GRIP1: variants seen among roughly 807,000 people sequenced by gnomAD.
GRIP1 encodes glutamate receptor interacting protein 1, also known as glutamate receptor-interacting protein 1.
Under a neutral mutation model 129.9 loss-of-function variants are expected in GRIP1, and 45 were observed. The observed-to-expected ratio is 0.35, with a 90% CI of 0.27 to 0.44. The LOEUF (loss-of-function observed/expected upper bound fraction) is 0.44. Among genes scored for constraint, GRIP1 ranks in the 20% least tolerant of loss-of-function variants. The pLI is 1.00. For missense variants in GRIP1, 1,196 were observed against 1,396.8 expected (o/e 0.86, Z 2.29); for synonymous variants, 530 against 520.8 (o/e 1.02, Z -0.24).
chr12:66,753,268 C>T (rs1319018432), intron 1 of GRIP1, among the ~76,000 whole-genome samples: 3 of 152,136 alleles, frequency 2.0e-5, no homozygotes, highest in African/African-American at 7.2e-5. Context: ...TATTTTCCAA[C>T]CTCTCTTGTA....
intron 1 of GRIP1, among the ~76,000 whole-genome samples, chr12:67,057,462 T>C (rs1002449798): frequency 1.3e-5 from 2 of 151,030 alleles, no homozygotes; most frequent in African/African-American, 4.9e-5. Flanking sequence ...AAAACTCCTG[T>C]TGTTTAAGCA....
At chr12:66,948,140 G>C (rs1220334502) in intron 1 of GRIP1, among the ~76,000 whole-genome samples, 1 of 152,204 alleles carries the variant, frequency 6.6e-6, no homozygotes, top group Non-Finnish European at 1.5e-5. Context: ...AGGGTTTAAA[G>C]AAAGTTTACA....
At chr12:66,379,820 A>G (rs974842909) in intron 19 of GRIP1, among the ~76,000 whole-genome samples, 2 of 152,160 alleles carry the variant, frequency 1.3e-5, no homozygotes, top group Non-Finnish European at 2.9e-5. Flanking sequence ...CTTAGCTGAG[A>G]TCTGCCAGTT....
chr12:66,419,040 C>T (rs1233663717), intron 15 of GRIP1, among the ~76,000 whole-genome samples: 1 of 152,090 alleles, frequency 6.6e-6, no homozygotes, highest in Non-Finnish European at 1.5e-5. Context: ...TTGCAAGCAA[C>T]ATAAGTGTCC....
intron 1 of GRIP1, among the ~76,000 whole-genome samples, chr12:66,725,773 T>C (rs187961982): frequency 2.0e-5 from 3 of 152,320 alleles, no homozygotes; most frequent in African/African-American, 4.8e-5. Context: ...CATATAACAA[T>C]ACTTACTCTT....
chr12:66,541,830 C>T lies in GRIP1; in HGVS notation c.257G>A (p.Gly86Glu). ...AGGCAGTTACCTAGCAGCAATTCCT[C>T]CTTGCCGCAGATTAGATACTCTTGG... ...GKPRVSNLRQ[G>E]GIAARSDQLD... is the part of the protein sequence containing the mutation. Residue 86 changes from glycine to glutamate, a missense_variant, in exon 3 of 25, where the codon GGA becomes GAA. Physicochemically the swap from Gly to Glu is moderately conservative, Grantham distance 98. Around this residue, in one of 5 missense-constraint regions of GRIP1, gnomAD observed 217 missense variants for 224.8 expected, o/e 0.97. Transcript: ENST00000359742. The T allele has an allele frequency of 3.1e-6, 5 of 1,614,070 alleles. No individual in the cohort carries two copies. Among genetic ancestry groups the T allele is most frequent in the Non-Finnish European group, 4.2e-6 (5 of 1,179,906 alleles).
intron 1 of GRIP1, among the ~76,000 whole-genome samples, chr12:66,900,249 A>G (rs1233405256): frequency 6.6e-6 from 1 of 152,192 alleles, no homozygotes; most frequent in African/African-American, 2.4e-5. Context: ...TCCTCTTCAG[A>G]TAAATGAAGT....
intron 1 of GRIP1, among the ~76,000 whole-genome samples, chr12:66,914,404 G>A (rs1428672636): frequency 6.6e-6 from 1 of 152,110 alleles, no homozygotes; most frequent in African/African-American, 2.4e-5. Context: ...TTGTGTTATT[G>A]CAAATTTTAC....
intron 1 of GRIP1, among the ~76,000 whole-genome samples, chr12:66,970,216 G>A (rs561890459): frequency 1.8e-4 from 27 of 152,166 alleles, no homozygotes; most frequent in African/African-American, 6.3e-4. Flanking sequence ...TAAGTAGCTG[G>A]GACTACAGCC....
intron 7 of GRIP1, among the ~76,000 whole-genome samples, chr12:66,470,983 C>T (rs768672855): frequency 3.9e-5 from 6 of 152,110 alleles, no homozygotes; most frequent in East Asian, 3.9e-4. Context: ...AGGACGAAGT[C>T]GGGAGAGTAA....
intron 1 of GRIP1, among the ~76,000 whole-genome samples, chr12:66,777,049 G>A (rs182638677): frequency 5.9e-5 from 9 of 152,328 alleles, no homozygotes; most frequent in African/African-American, 2.2e-4. Flanking sequence ...TCCATCTCAA[G>A]AGAAGACTGG....
chr12:66,656,129 A>G (rs1423741847), intron 1 of GRIP1, among the ~76,000 whole-genome samples: 1 of 152,144 alleles, frequency 6.6e-6, no homozygotes, highest in Non-Finnish European at 1.5e-5. Flanking sequence ...AGCCTGTCTC[A>G]TTATCTTTGA....
chr12:66,557,629 C>G (rs1305789874), intron 2 of GRIP1, among the ~76,000 whole-genome samples: 2 of 152,018 alleles, frequency 1.3e-5, no homozygotes, highest in Non-Finnish European at 2.9e-5. Context: ...TCTCTGACCA[C>G]AGTGGAATAA....
chr12:66,698,909 G>A (rs1373231403), intron 1 of GRIP1, among the ~76,000 whole-genome samples: 1 of 152,170 alleles, frequency 6.6e-6, no homozygotes, highest in African/African-American at 2.4e-5. Flanking sequence ...TTCATAAGTG[G>A]GGAAAACAGC....
intron 1 of GRIP1, among the ~76,000 whole-genome samples, chr12:66,707,726 T>C (rs2035582843): frequency 6.6e-6 from 1 of 151,944 alleles, no homozygotes; most frequent in African/African-American, 2.4e-5. Context: ...TCTTCATAAT[T>C]CAACCATTCC....
chr12:66,738,620 T>C (rs1277955551), intron 1 of GRIP1, among the ~76,000 whole-genome samples: 1 of 152,120 alleles, frequency 6.6e-6, no homozygotes, highest in Non-Finnish European at 1.5e-5. Flanking sequence ...TGAGAGATTG[T>C]TCCTGTGATG....
upstream of GRIP1, chr12:66,679,196 A>G: frequency 8.0e-7 from 1 of 1,249,500 alleles, no homozygotes; most frequent in South Asian, 1.6e-5. Flanking sequence ...ACCAAATTGT[A>G]CAAAGCAGGG....
At chr12:66,439,151 C>T (rs532915877) in intron 13 of GRIP1, among the ~76,000 whole-genome samples, 2 of 152,314 alleles carry the variant, frequency 1.3e-5, no homozygotes, top group Admixed American at 6.5e-5. Flanking sequence ...ATGTGCAATT[C>T]AGCTAGTTCT....
intron 1 of GRIP1, among the ~76,000 whole-genome samples, chr12:66,720,031 A>G (rs2036012488): frequency 6.6e-6 from 1 of 152,162 alleles, no homozygotes; most frequent in Non-Finnish European, 1.5e-5. Flanking sequence ...TCTATAAACA[A>G]ATTAAGATTA....
Sources: gnomAD v4.1 joint callset for allele counts (sites outside exome capture counted in the v4.1 genomes callset) on GRCh38, gnomAD v4.1.1 for gene constraint, gnomAD v4.1.1 regional missense constraint, MANE v1.5 for transcripts, NCBI Gene and HGNC (gene_info 2026-07-23, HGNC 2026-07-21) for gene names.